Variants in CADPS observed in about 807,000 individuals in gnomAD.
CADPS encodes the protein calcium-dependent secretion activator 1.
In CADPS, 57 loss-of-function variants were observed where a neutral mutation model predicts 167.3. The observed-to-expected ratio is 0.34, with a 90% CI of 0.28 to 0.42. The LOEUF (loss-of-function observed/expected upper bound fraction) is 0.42, where lower values mean the gene tolerates loss of function less well. CADPS is among the 20% of genes least tolerant of loss of function. The pLI is 1.00. For missense variants in CADPS, 1,414 were observed against 1,738.1 expected, an observed-to-expected ratio of 0.81 and a Z score of 3.32; for synonymous variants, 676 against 635.3, an observed-to-expected ratio of 1.06 and a Z score of -0.96.
chr3:62,595,464 T>A (rs181541796), intron 6 of CADPS, among the ~76,000 whole-genome samples: 1 of 152,290 alleles, frequency 6.6e-6, no homozygotes, highest in East Asian at 1.9e-4. Flanking sequence ...AAGGAATTAA[T>A]GTCCCTGTCA....
chr3:62,701,155 G>C (rs532116163), intron 3 of CADPS, among the ~76,000 whole-genome samples: 1 of 152,048 alleles, frequency 6.6e-6, no homozygotes, highest in African/African-American at 2.4e-5. Context: ...TATGAATTTG[G>C]GGGGAGGGAC....
chr3:62,428,809 T>G (rs1376217203), intron 28 of CADPS, among the ~76,000 whole-genome samples: 1 of 152,176 alleles, frequency 6.6e-6, no homozygotes, highest in Non-Finnish European at 1.5e-5. Context: ...AGGGGAAATT[T>G]GGCCATATCT....
At chr3:62,696,791 A>C (rs13066137) in intron 3 of CADPS, among the ~76,000 whole-genome samples, 12,082 of 152,052 alleles carry the variant, frequency 0.079, 634 homozygotes, top group Non-Finnish European at 0.12. Context: ...CATCCTCATC[A>C]ATTAGGGGAC....
chr3:62,755,995 T>A (rs1479747921), intron 2 of CADPS, among the ~76,000 whole-genome samples: 1 of 152,096 alleles, frequency 6.6e-6, no homozygotes, highest in Non-Finnish European at 1.5e-5. Flanking sequence ...TGCCTCTAAC[T>A]TGCTGTGTGA....
intron 17 of CADPS, among the ~76,000 whole-genome samples, chr3:62,505,007 G>C (rs904769235): frequency 6.6e-6 from 1 of 152,122 alleles, no homozygotes; most frequent in African/African-American, 2.4e-5. Context: ...TGTTGCTGAA[G>C]ATGCTAGTAT....
Position 62,478,367 on chromosome 3 carries a change from G to A in CADPS, c.3223C>T (p.Gln1075Ter). ...EDLFWKLDAL[Q>*]TFIRDLHWPE... is the part of the protein sequence containing the mutation. The stretch of plus-strand genomic sequence containing the variant: ...CAGTGCAGGTCCCGAATGAAGGTCT[G>A]AAGGGCGTCAAGTTTCCAAAACAGA... The change falls in exon 23 of 30, where the codon CAG becomes TAG. Residue 1075 changes from glutamine to a stop codon, truncating the protein, a stop_gained. Transcript: ENST00000383710. LOFTEE classifies it high-confidence loss of function. This position sits in a 1 kb window ranked among gnomAD's most constrained non-coding sequence, Gnocchi z 5.7. 6.2e-7 allele frequency: 1 copy of A among 1,613,868 alleles called. No individual in the cohort carries two copies. Among genetic ancestry groups the A allele is most frequent in the Non-Finnish European group, 8.5e-7 (1 of 1,179,826 alleles).
rs773569176 is a variant in CADPS at position 62,662,342 on chromosome 3, C to T, written c.941G>A (p.Arg314His). The T allele has an allele frequency of 2.5e-5, 41 of 1,613,854 alleles. No individual in the cohort carries two copies. Among genetic ancestry groups the T allele is most frequent in the Middle Eastern group, 3.3e-4 (2 of 6,080 alleles). The part of the protein sequence containing the change: ...AAQIRRELDG[R>H]LQMADQIARE... The stretch of plus-strand genomic sequence containing the variant: ...GGCTATTTGGTCTGCCATTTGTAGA[C>T]GTCCATCCAGCTCTCGTCTGATCTG... Residue 314 changes from arginine to histidine, a missense_variant, in exon 4 of 30, where the codon CGT becomes CAT. Transcript: ENST00000383710.
At chr3:62,592,212 C>T (rs907671739) in intron 7 of CADPS, among the ~76,000 whole-genome samples, 3 of 152,064 alleles carry the variant, frequency 2.0e-5, no homozygotes, top group Admixed American at 1.3e-4. Flanking sequence ...TGAGTATGTA[C>T]ATTTTGAAGT....
In CADPS at chr3:62,478,329, C is replaced by T; in HGVS notation, c.3261G>A (p.Glu1087=). ...GCCGTTGTTCCAGGTGCTTTCCAAA[C>T]TCTTCTTCAGGCCAGTGCAGGTCCC... is the stretch of plus-strand genomic sequence containing the variant. ...FIRDLHWPEE[E]FGKHLEQRLK... The change falls in exon 23 of 30, where the codon GAG becomes GAA. Residue 1087 remains glutamate (E), a synonymous_variant. Transcript: ENST00000383710. The surrounding 1 kb of genome is among the most constrained non-coding windows in gnomAD (Gnocchi z 5.7). 4 of 1,613,898 alleles carry T rather than the reference C, an allele frequency of 2.5e-6. No homozygotes were observed. Among genetic ancestry groups the T allele is most frequent in the Non-Finnish European group, 3.4e-6 (4 of 1,179,832 alleles).
At chr3:62,854,242 G>A (rs1468163966) in intron 1 of CADPS, among the ~76,000 whole-genome samples, 2 of 152,192 alleles carry the variant, frequency 1.3e-5, no homozygotes, top group Non-Finnish European at 2.9e-5. Context: ...GGAATTGATA[G>A]ACTAAAATTA....
intron 17 of CADPS, among the ~76,000 whole-genome samples, chr3:62,503,378 T>C (rs1347128111): frequency 6.6e-6 from 1 of 152,202 alleles, no homozygotes; most frequent in African/African-American, 2.4e-5. Context: ...CTTGTATATG[T>C]TACAGGGCTG....
rs576178946 is a variant in CADPS, at chr3:62,575,350, G to C, written c.1578-4412C>G. Among the ~76,000 whole-genome samples, 3 of 152,296 alleles carry C rather than the reference G, an allele frequency of 2.0e-5. 1 individual carries two copies. Among genetic ancestry groups the C allele is most frequent in the African/African-American group, 7.2e-5 (3 of 41,562 alleles). On this transcript the variant is annotated intron_variant, in intron 8 of 29. Transcript: ENST00000383710. ...TATTACACTCATCTGGAAGAGTTAAGTGCTTAAATCTGGAGATATGTTACC... is the reference window on the plus strand; with the variant it reads ...TATTACACTCATCTGGAAGAGTTAACTGCTTAAATCTGGAGATATGTTACC...
chr3:62,544,839 A>G lies in CADPS; in HGVS notation c.1966+5064T>C. 4 of 1,242,554 alleles carry G rather than the reference A, an allele frequency of 3.2e-6. No homozygotes were observed. The highest frequency in any genetic ancestry group is 4.1e-6 in the Non-Finnish European group (4 of 966,918). 77.0% of individuals were successfully genotyped at this position (1,242,554 alleles called of 1,614,324 possible). ...ATCTGAGCTGTGCTAGCTATAGGGG[A>G]GCACTTACCCTTCAGTCCAGCTAGA... On this transcript the variant is annotated intron_variant, in intron 11 of 29. Coordinates refer to ENST00000383710, the MANE Select transcript of CADPS (RefSeq NM_003716.4). This position sits in a 1 kb window ranked among gnomAD's most constrained non-coding sequence, Gnocchi z 4.4.
chr3:62,725,902 G>A (rs1401269066), intron 3 of CADPS, among the ~76,000 whole-genome samples: 1 of 151,782 alleles, frequency 6.6e-6, no homozygotes, highest in Non-Finnish European at 1.5e-5. Context: ...TTCAAACACA[G>A]GGTAACTGAG....
chr3:62,693,353 A>G (rs1027903304), intron 3 of CADPS, among the ~76,000 whole-genome samples: 1 of 152,116 alleles, frequency 6.6e-6, no homozygotes, highest in African/African-American at 2.4e-5. Context: ...TACACATGAC[A>G]AGGACAGGGA....
chr3:62,575,694 C>T (rs184019211), intron 8 of CADPS, among the ~76,000 whole-genome samples: 5 of 152,322 alleles, frequency 3.3e-5, no homozygotes, highest in African/African-American at 1.2e-4. Context: ...AAAGCACCCT[C>T]TTCTTCACAC....
chr3:62,681,498 C>T (rs924578300), intron 3 of CADPS, among the ~76,000 whole-genome samples: 1 of 152,026 alleles, frequency 6.6e-6, no homozygotes, highest in African/African-American at 2.4e-5. Context: ...CCTTCTATTG[C>T]CCTTCCACTG....
intron 12 of CADPS, among the ~76,000 whole-genome samples, chr3:62,533,852 A>G (rs1429060237): frequency 1.3e-5 from 2 of 152,146 alleles, no homozygotes; most frequent in Non-Finnish European, 2.9e-5. Flanking sequence ...ACTGAGAGGA[A>G]CTTCTTGTGT....
chr3:62,799,521 TA>T (rs1233728709), intron 1 of CADPS, among the ~76,000 whole-genome samples: 2 of 152,176 alleles, frequency 1.3e-5, no homozygotes, highest in African/African-American at 4.8e-5. Flanking sequence ...CATTCAGGTC[TA>T]AATACATTTT....
Sources: allele counts gnomAD v4.1 joint callset (sites outside exome capture counted in the v4.1 genomes callset), GRCh38; gene constraint gnomAD v4.1.1; non-coding constraint Gnocchi (gnomAD v3.1); transcripts MANE v1.5; gene names NCBI Gene and HGNC (gene_info 2026-07-23, HGNC 2026-07-21).